The following OR4K1 variants were observed in gnomAD, a reference collection of about 807,000 sequenced individuals.
The protein encoded by OR4K1 is olfactory receptor family 4 subfamily K member 1.
A neutral mutation model predicts 14.4 loss-of-function variants in OR4K1; 16 were observed. That is an observed-to-expected ratio of 1.11 (90% CI 0.75 to 1.68). The LOEUF (loss-of-function observed/expected upper bound fraction) is 1.68, where lower values mean the gene tolerates loss of function less well. Ranked by LOEUF, OR4K1 falls within the 40% of genes most tolerant of loss-of-function variation. OR4K1 has a pLI of 0.00. For synonymous variants in OR4K1, 181 were observed against 133.1 expected, an observed-to-expected ratio of 1.36 and a Z score of -2.48; for missense variants, 548 against 376.9, an observed-to-expected ratio of 1.45 and a Z score of -3.76.
At chr14:19,921,710 C>T in the OR4K1 span, 2 of 994,920 alleles carry the variant, frequency 2.0e-6, no homozygotes, top group Non-Finnish European at 2.8e-6. Flanking sequence ...ATTAACAAGT[C>T]TTTTTCTAGG....
chr14:19,922,820 T>C, the OR4K1 span, among the ~76,000 whole-genome samples: 1 of 152,234 alleles, frequency 6.6e-6, no homozygotes, highest in Non-Finnish European at 1.5e-5. Context: ...CAATGATCTG[T>C]TCCCCATCAC....
In OR4K1 at chr14:19,936,713, G is replaced by A; in HGVS notation, c.*111G>A. The A allele has an allele frequency of 2.9e-6, 3 of 1,033,006 alleles. No homozygotes were observed. Among genetic ancestry groups the A allele is most frequent in the Non-Finnish European group, 4.0e-6 (3 of 746,812 alleles). The allele number at this position is 1,033,006 out of a possible 1,614,324, so 64.0% of individuals were successfully genotyped here. A position where few individuals can be genotyped will look rare whatever the true frequency, so the allele number is the denominator to read the frequency against. On this transcript the variant is annotated 3_prime_UTR_variant, in exon 2 of 2. Coordinates refer to ENST00000641172, the MANE Select transcript of OR4K1 (RefSeq NM_001004063.3). The stretch of plus-strand genomic sequence containing the variant: ...ATATGGGTTATTGAGTTACAGAATT[G>A]GCTTTTTGTTTTAAGTGCAAGGGAA...
In OR4K1 at chr14:19,936,526, A is replaced by G; in HGVS notation, c.860A>G (p.Tyr287Cys). 6.2e-7 allele frequency: 1 copy of G among 1,613,084 alleles called. No individual in the cohort carries two copies. The highest frequency in any genetic ancestry group is 2.2e-5 in the East Asian group (1 of 44,878). The stretch of plus-strand genomic sequence containing the variant: ...ACTCCCTTGTTGAACCCCATCATCT[A>G]CTCTCTGAGGAATGAAGATGTTAAA... ...VCTPLLNPII[Y>C]SLRNEDVKAA... The change falls in exon 2 of 2, where the codon TAC (tyrosine) becomes TGC (cysteine). Residue 287 changes from tyrosine (Y) to cysteine (C), a missense_variant. By Grantham distance (194) the Tyr-to-Cys change is radical. Transcript: ENST00000641172.
At chr14:19,921,190 T>C in the OR4K1 span, 6 of 1,614,072 alleles carry the variant, frequency 3.7e-6, no homozygotes, top group African/African-American at 2.7e-5. Flanking sequence ...TCTTACATCA[T>C]TGAAATACTA....
chr14:19,936,739 T>A lies in OR4K1; in HGVS notation c.*137T>A. On this transcript the variant is annotated 3_prime_UTR_variant, in exon 2 of 2. Transcript: ENST00000641172. The stretch of plus-strand genomic sequence containing the variant: ...GCTTTTTGTTTTAAGTGCAAGGGAA[T>A]TGCATCAAGTCAGTCTCTGGTTCTA... 1.6e-6 allele frequency: 1 copy of A among 631,432 alleles called. No homozygotes were observed. Among genetic ancestry groups the A allele is most frequent in the Non-Finnish European group, 2.5e-6 (1 of 404,062 alleles). 39.1% of individuals were successfully genotyped at this position (631,432 alleles called of 1,614,324 possible).
upstream of OR4K1, among the ~76,000 whole-genome samples, chr14:19,926,957 C>T (rs1001524404): frequency 2.6e-5 from 4 of 152,190 alleles, no homozygotes; most frequent in African/African-American, 9.6e-5. Flanking sequence ...AGTACCTGAC[C>T]ATTGATTTCC....
upstream of OR4K1, among the ~76,000 whole-genome samples, chr14:19,929,326 A>G (rs948245265): frequency 1.3e-5 from 2 of 149,674 alleles, no homozygotes; most frequent in Non-Finnish European, 3.0e-5. Context: ...TAATTAAAAT[A>G]ATATAATATG....
At chr14:19,920,445 C>T in the OR4K1 span, 4 of 754,144 alleles carry the variant, frequency 5.3e-6, no homozygotes, top group Non-Finnish European at 8.4e-6. Context: ...CCTATCCAGA[C>T]ATACTATTAT....
chr14:19,930,186 A>T (rs1408967799), upstream of OR4K1, among the ~76,000 whole-genome samples: 1 of 152,220 alleles, frequency 6.6e-6, no homozygotes, highest in Non-Finnish European at 1.5e-5. Context: ...CCAGTGCTGC[A>T]ATATGTGCCA....
chr14:19,920,270 C>G, the OR4K1 span, among the ~76,000 whole-genome samples: 6 of 152,236 alleles, frequency 3.9e-5, no homozygotes, highest in African/African-American at 1.4e-4. Context: ...GAGCTGGACT[C>G]TAGGTCACTC....
At chr14:19,930,263 G>A (rs1271196254), upstream of OR4K1, among the ~76,000 whole-genome samples, 1 of 152,184 alleles carries the variant, frequency 6.6e-6, no homozygotes, top group African/African-American at 2.4e-5. Context: ...GGATAGATAG[G>A]AAGATAGAAA....
rs1882307828 is a variant in OR4K1 at position 19,936,025 on chromosome 14, A to G, written c.359A>G (p.Tyr120Cys). Reference sequence around the variant, plus strand: ...ATGATGTTGCTTGTAGCTATGGCATATGACAGATTTATAGCCATATGTAAG... The same window carrying G: ...ATGATGTTGCTTGTAGCTATGGCATGTGACAGATTTATAGCCATATGTAAG... ...SEMMLLVAMA[Y>C]DRFIAICKPL... is the part of the protein sequence containing the mutation. Residue 120 changes from tyrosine (Y) to cysteine (C), a missense_variant, in exon 2 of 2, where the codon TAT becomes TGT. Tyr to Cys is a radical substitution (Grantham distance 194). Transcript: ENST00000641172. The G allele has an allele frequency of 3.1e-6, 5 of 1,614,130 alleles. No individual in the cohort carries two copies. The highest frequency in any genetic ancestry group is 2.7e-5 in the African/African-American group (2 of 74,956).
rs760108085 is a variant in OR4K1 at position 19,936,069 on chromosome 14, A to T, written c.403A>T (p.Ile135Phe). ...AICKPLHYST[I>F]MNRRLCVIFV... ...ATGTAAGCCTCTGCACTACAGTACA[A>T]TTATGAACCGGAGGCTCTGTGTAAT... Residue 135 changes from isoleucine (I) to phenylalanine (F), a missense_variant, in exon 2 of 2, where the codon ATT becomes TTT. Transcript: ENST00000641172. 6.2e-7 allele frequency: 1 copy of T among 1,614,246 alleles called. No individual in the cohort carries two copies. The highest frequency in any genetic ancestry group is 1.1e-5 in the South Asian group (1 of 91,088).
chr14:19,920,280 C>G, the OR4K1 span, among the ~76,000 whole-genome samples: 3 of 152,196 alleles, frequency 2.0e-5, no homozygotes, highest in Non-Finnish European at 4.4e-5. Flanking sequence ...CTAGGTCACT[C>G]CTCTAGTCTT....
chr14:19,930,663 T>G (rs373103551), upstream of OR4K1, among the ~76,000 whole-genome samples: 11 of 152,252 alleles, frequency 7.2e-5, no homozygotes, highest in East Asian at 7.7e-4. Flanking sequence ...CTTTGCTGAC[T>G]GATACTCAGT....
At chr14:19,932,993 T>A (rs1882219847) in intron 1 of OR4K1, among the ~76,000 whole-genome samples, 1 of 148,762 alleles carries the variant, frequency 6.7e-6, no homozygotes, top group African/African-American at 2.4e-5. Flanking sequence ...TTTATAGCAC[T>A]TATAAATATT....
the OR4K1 span, chr14:19,920,873 C>T: frequency 3.8e-5 from 62 of 1,613,998 alleles, no homozygotes; most frequent in South Asian, 3.7e-4. Context: ...TGAGTGCACA[C>T]GAGACCATAT....
upstream of OR4K1, among the ~76,000 whole-genome samples, chr14:19,928,808 T>C (rs1363303240): frequency 1.3e-5 from 2 of 152,178 alleles, no homozygotes; most frequent in Non-Finnish European, 2.9e-5. Context: ...TCTTTTGAAC[T>C]CCTTGTGCAT....
At chr14:19,930,358 G>A (rs188790523), upstream of OR4K1, among the ~76,000 whole-genome samples, 5 of 152,304 alleles carry the variant, frequency 3.3e-5, no homozygotes, top group African/African-American at 1.2e-4. Flanking sequence ...TGGAGATCTA[G>A]AAAACTTATA....
Sources: gnomAD v4.1 joint callset for allele counts (sites outside exome capture counted in the v4.1 genomes callset) on GRCh38, gnomAD v4.1.1 for gene constraint, MANE v1.5 for transcripts, NCBI Gene and HGNC (gene_info 2026-07-23, HGNC 2026-07-21) for gene names.